Variants in AFG1L observed in about 807,000 individuals in gnomAD.
The protein encoded by AFG1L is AFG1 like ATPase, also known as AFG1-like ATPase.
AFG1L carries 53 observed loss-of-function variants against 62.2 expected under a neutral mutation model. The ratio of observed to expected loss-of-function variants is 0.85; its 90% CI spans 0.68 to 1.07. The LOEUF is 1.07. Among genes scored for constraint, AFG1L ranks in the 50% least tolerant of loss-of-function variants. AFG1L has a pLI of 0.00. For synonymous variants in AFG1L, 228 were observed against 210.3 expected (o/e 1.08, Z -0.73); for missense variants, 555 against 590.5 (o/e 0.94, Z 0.62).
chr6:108,413,844 T>G (rs1009798563), intron 7 of AFG1L, among the ~76,000 whole-genome samples: 3 of 151,444 alleles, frequency 2.0e-5, no homozygotes, highest in Non-Finnish European at 4.4e-5. Flanking sequence ...CACCCTACCA[T>G]CACAATTAAA....
intron 7 of AFG1L, among the ~76,000 whole-genome samples, chr6:108,422,342 A>G (rs944458682): frequency 1.2e-4 from 18 of 151,944 alleles, no homozygotes; most frequent in African/African-American, 3.9e-4. Flanking sequence ...AGTTTGAGAA[A>G]GCATTGCATT....
intron 5 of AFG1L, among the ~76,000 whole-genome samples, chr6:108,363,998 G>A (rs538021589): frequency 1.3e-5 from 2 of 152,128 alleles, no homozygotes; most frequent in South Asian, 4.2e-4. Context: ...ACTTAAGTGA[G>A]TCATAATGGA....
intron 8 of AFG1L, among the ~76,000 whole-genome samples, chr6:108,476,523 T>C (rs896714872): frequency 6.6e-6 from 1 of 152,240 alleles, no homozygotes. Flanking sequence ...GATGCTTGAC[T>C]GCCTTGTCTA....
chr6:108,297,387 G>A lies in AFG1L; in HGVS notation c.139+2169G>A, dbSNP rs544378593. Among the ~76,000 whole-genome samples the A allele has an allele frequency of 1.1e-4, 16 of 152,282 alleles. No individual in the cohort carries two copies. In the South Asian group the frequency reaches 1.4e-3, roughly 14 times the overall value. ...CCCCCAAAATGCTGGGATTACAGGCGTGAGCCATGGTGCCCTGCCCCCATC... is the reference window on the plus strand; with the variant it reads ...CCCCCAAAATGCTGGGATTACAGGCATGAGCCATGGTGCCCTGCCCCCATC... On this transcript the variant is annotated intron_variant, in intron 1 of 12. Coordinates refer to ENST00000368977, the MANE Select transcript of AFG1L (RefSeq NM_145315.5).
At chr6:108,301,281 T>C (rs1206966095) in intron 1 of AFG1L, among the ~76,000 whole-genome samples, 1 of 152,164 alleles carries the variant, frequency 6.6e-6, no homozygotes, top group Non-Finnish European at 1.5e-5. Flanking sequence ...AATAATGCCA[T>C]AGCCTCCTGG....
chr6:108,433,024 C>T (rs1390246821), intron 7 of AFG1L, among the ~76,000 whole-genome samples: 1 of 152,120 alleles, frequency 6.6e-6, no homozygotes, highest in African/African-American at 2.4e-5. Context: ...TCAGGACTTT[C>T]GTTTTATAGA....
intron 10 of AFG1L, among the ~76,000 whole-genome samples, chr6:108,494,403 T>G (rs1263363955): frequency 2.0e-5 from 3 of 151,722 alleles, no homozygotes; most frequent in Admixed American, 6.6e-5. Flanking sequence ...ATTTTTTTGT[T>G]AAGTCATTGT....
intron 1 of AFG1L, among the ~76,000 whole-genome samples, chr6:108,300,168 G>A (rs1288410908): frequency 1.3e-5 from 2 of 148,168 alleles, no homozygotes; most frequent in Non-Finnish European, 3.0e-5. Context: ...TTTTTTTTGA[G>A]GTGGAGTTTT....
rs1329565727 is a variant in AFG1L, at chr6:108,525,954, C to G, written c.*3529C>G. 1 of 152,172 alleles carries G rather than the reference C, an allele frequency of 6.6e-6. No individual in the cohort carries two copies. Among genetic ancestry groups the G allele is most frequent in the Non-Finnish European group, 1.5e-5 (1 of 68,030 alleles). 9.4% of individuals were successfully genotyped at this position (152,172 alleles called of 1,614,324 possible). ...TGATCAGTTACGGGAATCTGTCTTG[C>G]AGCAAGTCTGTAAGTTACCTTTATT... On this transcript the variant is annotated 3_prime_UTR_variant, in exon 13 of 13. Transcript: ENST00000368977.
chr6:108,437,353 T>C (rs1226531611), intron 7 of AFG1L, among the ~76,000 whole-genome samples: 2 of 152,182 alleles, frequency 1.3e-5, no homozygotes, highest in Non-Finnish European at 2.9e-5. Context: ...CCAGATTACT[T>C]TGTACTTTTC....
intron 10 of AFG1L, among the ~76,000 whole-genome samples, chr6:108,494,034 T>A (rs183899267): frequency 8.5e-5 from 13 of 152,264 alleles, no homozygotes; most frequent in African/African-American, 3.1e-4. Flanking sequence ...TTTGTCATAT[T>A]GGCCAGGCCA....
intron 8 of AFG1L, among the ~76,000 whole-genome samples, chr6:108,457,534 A>C (rs1321168534): frequency 6.6e-6 from 1 of 151,544 alleles, no homozygotes; most frequent in Non-Finnish European, 1.5e-5. Flanking sequence ...TTATTATATA[A>C]TATTATTATA....
chr6:108,512,939 T>C (rs1318400383), intron 11 of AFG1L, among the ~76,000 whole-genome samples: 1 of 152,096 alleles, frequency 6.6e-6, no homozygotes, highest in Non-Finnish European at 1.5e-5. Context: ...TAATGAAAAA[T>C]TGTCTTTGAT....
At chr6:108,408,872 T>C (rs1781979274) in intron 7 of AFG1L, among the ~76,000 whole-genome samples, 1 of 152,106 alleles carries the variant, frequency 6.6e-6, no homozygotes. Flanking sequence ...AGCCATATTT[T>C]ATCATAGAAA....
intron 10 of AFG1L, among the ~76,000 whole-genome samples, chr6:108,486,447 T>A (rs1773576035): frequency 6.6e-6 from 1 of 152,176 alleles, no homozygotes; most frequent in African/African-American, 2.4e-5. Flanking sequence ...ATATATTTTA[T>A]GGAAAAAAGT....
chr6:108,477,864 C>T lies in AFG1L; in HGVS notation c.1062+572C>T, dbSNP rs1255425620. Among the ~76,000 whole-genome samples, 8 of 152,302 alleles carry T rather than the reference C, an allele frequency of 5.3e-5. No homozygotes were observed. In the South Asian group the frequency reaches 1.2e-3, roughly 24 times the overall value. On this transcript the variant is annotated intron_variant, in intron 10 of 12. Coordinates refer to ENST00000368977, the MANE Select transcript of AFG1L (RefSeq NM_145315.5). ...TTCATATAACTGAGAAAGATCTTGA[C>T]TGCAGATTCATTATAGATATGAATT...
At chr6:108,441,714 T>A (rs11153114) in intron 7 of AFG1L, among the ~76,000 whole-genome samples, 33,137 of 115,318 alleles carry the variant, frequency 0.29, 3,962 homozygotes, top group Middle Eastern at 0.39. Flanking sequence ...AAAAAAAAAA[T>A]ATATATATAT....
chr6:108,316,634 C>T (rs974987798), intron 1 of AFG1L, among the ~76,000 whole-genome samples: 1 of 149,820 alleles, frequency 6.7e-6, no homozygotes, highest in African/African-American at 2.5e-5. Context: ...CCCAGGTTCA[C>T]GCCCTTCTCC....
chr6:108,449,038 C>T (rs541307782), intron 8 of AFG1L, among the ~76,000 whole-genome samples: 232 of 151,780 alleles, frequency 1.5e-3, no homozygotes, highest in African/African-American at 5.3e-3. Context: ...GTCCCAGCTA[C>T]TTGGGAGGCT....
Sources: gnomAD v4.1 joint callset for allele counts (sites outside exome capture counted in the v4.1 genomes callset) on GRCh38, gnomAD v4.1.1 for gene constraint, MANE v1.5 for transcripts, NCBI Gene and HGNC (gene_info 2026-07-23, HGNC 2026-07-21) for gene names.